The following TBC1D22A variants were observed in gnomAD, a reference collection of about 807,000 sequenced individuals.
TBC1D22A encodes TBC1 domain family member 22A, also known as putative GTPase activator.
In TBC1D22A, 38 loss-of-function variants were observed where a neutral mutation model predicts 60.2. The ratio of observed to expected loss-of-function variants is 0.63; its 90% CI spans 0.49 to 0.83. The LOEUF is 0.83. Ranked by LOEUF, TBC1D22A falls within the 40% of genes least tolerant of loss-of-function variation. TBC1D22A has a pLI of 0.00. For synonymous variants in TBC1D22A, 302 were observed against 281.7 expected, an observed-to-expected ratio of 1.07 and a Z score of -0.72; for missense variants, 628 against 701.0, an observed-to-expected ratio of 0.90 and a Z score of 1.18.
At chr22:47,018,422 T>C (rs2061973427) in intron 10 of TBC1D22A, among the ~76,000 whole-genome samples, 1 of 152,218 alleles carries the variant, frequency 6.6e-6, no homozygotes, top group Non-Finnish European at 1.5e-5. Flanking sequence ...TTTAATGCAA[T>C]CTGAGGAGAC....
At chr22:46,914,397 T>C (rs1451168265) in intron 8 of TBC1D22A, 1 of 144,880 alleles carries the variant, frequency 6.9e-6, no homozygotes, top group Non-Finnish European at 1.5e-5. Context: ...ATCGCGCCAC[T>C]GCACTCCAGC....
At chr22:46,923,216 C>T (rs1046672764) in intron 8 of TBC1D22A, among the ~76,000 whole-genome samples, 1 of 152,240 alleles carries the variant, frequency 6.6e-6, no homozygotes, top group Non-Finnish European at 1.5e-5. Flanking sequence ...GTTGAGAAGA[C>T]TTATTGAAGC....
chr22:46,841,404 C>G (rs954112870), intron 4 of TBC1D22A, among the ~76,000 whole-genome samples: 8 of 152,240 alleles, frequency 5.3e-5, no homozygotes, highest in African/African-American at 1.9e-4. Flanking sequence ...CTTAGACTTT[C>G]ACCCTCCAGA....
intron 4 of TBC1D22A, among the ~76,000 whole-genome samples, chr22:46,826,260 T>G (rs2086061842): frequency 6.6e-6 from 1 of 152,224 alleles, no homozygotes. Context: ...GGTACCAATG[T>G]GGGGTTCCAT....
chr22:46,871,489 G>A (rs2067292320), intron 4 of TBC1D22A, among the ~76,000 whole-genome samples: 1 of 152,160 alleles, frequency 6.6e-6, no homozygotes, highest in Non-Finnish European at 1.5e-5. Flanking sequence ...ATATCAGAGG[G>A]TTGAAATACC....
intron 7 of TBC1D22A, among the ~76,000 whole-genome samples, chr22:46,908,165 G>A (rs2069627495): frequency 6.6e-6 from 1 of 152,238 alleles, no homozygotes; most frequent in African/African-American, 2.4e-5. Context: ...GGGGGTGTTA[G>A]CAGGAAGACC....
At chr22:46,856,636 G>A (rs926223856) in intron 4 of TBC1D22A, among the ~76,000 whole-genome samples, 3 of 152,182 alleles carry the variant, frequency 2.0e-5, no homozygotes, top group African/African-American at 4.8e-5. Flanking sequence ...TTTCAAGAGT[G>A]GGGGTGGGGG....
intron 4 of TBC1D22A, among the ~76,000 whole-genome samples, chr22:46,861,010 C>G (rs189060928): frequency 6.6e-6 from 1 of 152,094 alleles, no homozygotes; most frequent in Non-Finnish European, 1.5e-5. Flanking sequence ...GGTCTAAGCT[C>G]TGTTGCCCTG....
At chr22:46,880,574 C>T (rs1457369846) in intron 5 of TBC1D22A, among the ~76,000 whole-genome samples, 1 of 152,092 alleles carries the variant, frequency 6.6e-6, no homozygotes, top group Non-Finnish European at 1.5e-5. Flanking sequence ...CACTAGCCTG[C>T]CATTAGGAGG....
In TBC1D22A at chr22:46,900,475, C is replaced by A. The variant is rs533297352; in HGVS notation, c.900+5629C>A. ...TGACAGCTGTGTTTATAGGTGTGTACCAGCTCCCTAATATGTGATACAGAA... is the reference window on the plus strand; with the variant it reads ...TGACAGCTGTGTTTATAGGTGTGTAACAGCTCCCTAATATGTGATACAGAA... On this transcript the variant is annotated intron_variant, in intron 7 of 12. Transcript: ENST00000337137. Among the ~76,000 whole-genome samples, 3 of 152,160 alleles carry A rather than the reference C, an allele frequency of 2.0e-5. No individual in the cohort carries two copies. The East Asian group carries it at 5.8e-4, about 29-fold the overall frequency.
In TBC1D22A at chr22:47,057,576, C is replaced by T. The variant is rs541849209; in HGVS notation, c.1329+20378C>T. ...CAGAAAAAGAGGTTTAATGAAGTCACAGTTCCACATGGCTGGGGAGGCCTC... is the reference window on the plus strand; with the variant it reads ...CAGAAAAAGAGGTTTAATGAAGTCATAGTTCCACATGGCTGGGGAGGCCTC... On this transcript the variant is annotated intron_variant, in intron 11 of 12. Transcript: ENST00000337137. 5.3e-5 allele frequency among the ~76,000 whole-genome samples: 8 copies of T among 152,326 alleles called. No individual in the cohort carries two copies. The South Asian group carries it at 8.3e-4, about 16-fold the overall frequency.
chr22:46,915,248 C>T (rs763351725), intron 8 of TBC1D22A: 17 of 365,286 alleles, frequency 4.7e-5, no homozygotes, highest in Admixed American at 1.1e-4. Context: ...ACCAGGGACC[C>T]GCAGGGTCCA....
At chr22:47,076,382 C>CATAT (rs1569422660) in intron 11 of TBC1D22A, among the ~76,000 whole-genome samples, 1 of 105,512 alleles carries the variant, frequency 9.5e-6, no homozygotes, top group African/African-American at 3.6e-5. Context: ...TATATATATA[C>CATAT]ACACACACAC....
At chr22:46,836,794 C>T (rs903871424) in intron 4 of TBC1D22A, among the ~76,000 whole-genome samples, 2 of 152,074 alleles carry the variant, frequency 1.3e-5, no homozygotes, top group African/African-American at 2.4e-5. Context: ...AAAGATATCC[C>T]ACACCAATGA....
At chr22:47,166,120 G>A (rs989972759) in intron 12 of TBC1D22A, among the ~76,000 whole-genome samples, 3 of 152,182 alleles carry the variant, frequency 2.0e-5, no homozygotes, top group African/African-American at 4.8e-5. Context: ...TGCTGTGCCC[G>A]GGAGCAGGTG....
intron 12 of TBC1D22A, among the ~76,000 whole-genome samples, chr22:47,164,202 C>G (rs1190469549): frequency 6.6e-6 from 1 of 152,216 alleles, no homozygotes; most frequent in Non-Finnish European, 1.5e-5. Flanking sequence ...GAGCCCCTCC[C>G]CGCAGGCCGT....
At chr22:47,130,680 C>T (rs146557652) in intron 12 of TBC1D22A, among the ~76,000 whole-genome samples, 2 of 152,336 alleles carry the variant, frequency 1.3e-5, no homozygotes, top group Non-Finnish European at 2.9e-5. Context: ...TTTTCCTCAT[C>T]TTGCTGGAGC....
chr22:47,000,993 G>C (rs2061388403), intron 10 of TBC1D22A, among the ~76,000 whole-genome samples: 1 of 152,166 alleles, frequency 6.6e-6, no homozygotes, highest in Non-Finnish European at 1.5e-5. Context: ...TGATGCAGAA[G>C]AAAAATCATC....
At chr22:47,092,424 A>G (rs1176091461) in intron 11 of TBC1D22A, among the ~76,000 whole-genome samples, 4 of 152,140 alleles carry the variant, frequency 2.6e-5, no homozygotes, top group Non-Finnish European at 5.9e-5. Context: ...CCAGGCTGGG[A>G]GAGCAGGAAT....
Sources: gnomAD v4.1 joint callset for allele counts (sites outside exome capture counted in the v4.1 genomes callset) on GRCh38, gnomAD v4.1.1 for gene constraint, MANE v1.5 for transcripts, NCBI Gene and HGNC (gene_info 2026-07-23, HGNC 2026-07-21) for gene names.